Variants in SEC31A observed in about 807,000 individuals in gnomAD.
SEC31A encodes the protein protein transport protein Sec31A.
A neutral mutation model predicts 151.0 loss-of-function variants in SEC31A; 70 were observed. The ratio of observed to expected loss-of-function variants is 0.46; its 90% CI spans 0.38 to 0.57. The LOEUF (loss-of-function observed/expected upper bound fraction) is 0.57. Ranked by LOEUF, SEC31A falls within the 20% of genes least tolerant of loss-of-function variation. The pLI is 0.00. For synonymous variants in SEC31A, 475 were observed against 505.9 expected, an observed-to-expected ratio of 0.94 and a Z score of 0.82; for missense variants, 1,330 against 1,471.2, an observed-to-expected ratio of 0.90 and a Z score of 1.57.
chr4:82,827,226 G>C (rs1724810004), intron 24 of SEC31A, 143 bp downstream of exon 24: 3 of 886,556 alleles, frequency 3.4e-6, no homozygotes, highest in Non-Finnish European at 5.2e-6. Flanking sequence ...ATACATGATC[G>C]ATCTTAAAAA....
At chr4:82,859,004 A>C (rs1733461888) in intron 14 of SEC31A, among the ~76,000 whole-genome samples, 1 of 152,066 alleles carries the variant, frequency 6.6e-6, no homozygotes, top group Non-Finnish European at 1.5e-5. Flanking sequence ...CCAGGCCGGA[A>C]AATATATTTT....
Position 82,864,547 on chromosome 4 carries a change from C to T in SEC31A, c.1249G>A (p.Gly417Arg). Reference sequence around the variant, plus strand: ...TGCTGCTGCTGCTGCTGCTCAGCTCCCTGATGAGAAGGCATTCTGACATTC... The same window carrying T: ...TGCTGCTGCTGCTGCTGCTCAGCTCTCTGATGAGAAGGCATTCTGACATTC... ...FENVRMPSHQ[G>R]AEQQQQQHHV... Residue 417 changes from glycine (G) to arginine (R), a missense_variant, in exon 11 of 27, where the codon GGA becomes AGA. By Grantham distance (125) the Gly-to-Arg change is moderately radical. Transcript: ENST00000395310. 2 of 1,614,016 alleles carry T rather than the reference C, an allele frequency of 1.2e-6. No individual in the cohort carries two copies. The highest frequency in any genetic ancestry group is 2.2e-5 in the South Asian group (2 of 91,084).
chr4:82,867,835 G>A (rs1028717497), intron 8 of SEC31A, among the ~76,000 whole-genome samples: 4 of 152,158 alleles, frequency 2.6e-5, no homozygotes, highest in African/African-American at 9.7e-5. Context: ...GTTTCACCAC[G>A]TTGGCCAGGC....
Position 82,897,594 on chromosome 4 carries a change from C to G in SEC31A, c.-2+2119G>C, listed in dbSNP as rs145073392. ...TACCAAATATACAAAAAAAAATTAGCCAGGTGTAGTGGTACATGCATGTGG... is the reference window on the plus strand; with the variant it reads ...TACCAAATATACAAAAAAAAATTAGGCAGGTGTAGTGGTACATGCATGTGG... On this transcript the variant is annotated intron_variant, in intron 3 of 28. Transcript: ENST00000355196. Among the ~76,000 whole-genome samples, 4 of 152,086 alleles carry G rather than the reference C, an allele frequency of 2.6e-5. No homozygotes were observed. The East Asian group carries it at 7.7e-4, about 29-fold the overall frequency.
At position 82,841,018 on chromosome 4, in the gene SEC31A, T is replaced by C. The variant is rs183200997; in HGVS notation, c.2968+1122A>G. On this transcript the variant is annotated intron_variant, in intron 22 of 26. Transcript: ENST00000395310. Reference sequence around the variant, plus strand: ...TTTATTAACCTTAGCTTGCTGTAACTTTTTTACTTTATAAACTTTTAAATA... The same window carrying C: ...TTTATTAACCTTAGCTTGCTGTAACCTTTTTACTTTATAAACTTTTAAATA... Among the ~76,000 whole-genome samples, 527 of 152,328 alleles carry C rather than the reference T, an allele frequency of 3.5e-3. 1 individual carries two copies. Among genetic ancestry groups the C allele is most frequent in the African/African-American group, 0.012 (500 of 41,568 alleles).
At chr4:82,878,980 G>A in intron 3 of SEC31A, 52 bp from the exon 4 acceptor site, 2 of 1,407,552 alleles carry the variant, frequency 1.4e-6, no homozygotes, top group Admixed American at 2.0e-5. Context: ...AATAAATGTA[G>A]ACAAAAAATT....
At chr4:82,856,141 G>C (rs1222267818) in intron 16 of SEC31A, among the ~76,000 whole-genome samples, 3 of 151,924 alleles carry the variant, frequency 2.0e-5, no homozygotes, top group African/African-American at 7.2e-5. Flanking sequence ...AAATATTATA[G>C]AGCAATTAAA....
At chr4:82,832,818 T>C (rs561528209) in intron 22 of SEC31A, among the ~76,000 whole-genome samples, 1 of 152,364 alleles carries the variant, frequency 6.6e-6, no homozygotes, top group East Asian at 1.9e-4. Flanking sequence ...TCATCATCAC[T>C]GGTCATTGGA....
chr4:82,836,544 A>T (rs184748091), intron 22 of SEC31A, among the ~76,000 whole-genome samples: 232 of 152,300 alleles, frequency 1.5e-3, no homozygotes, highest in African/African-American at 5.3e-3. Context: ...CAGCCTTAAA[A>T]AAAATTCTGA....
intron 1 of SEC31A, among the ~76,000 whole-genome samples, chr4:82,883,655 C>A (rs1294722178): frequency 1.3e-5 from 2 of 151,972 alleles, no homozygotes; most frequent in East Asian, 1.9e-4. Flanking sequence ...ATGGTGAAAT[C>A]CCATCTCTAG....
In SEC31A at chr4:82,856,818, C is replaced by T. The variant is rs928439787; in HGVS notation, c.1881+134G>A. On this transcript the variant is annotated intron_variant, in intron 16 of 26. Coordinates refer to ENST00000395310, the MANE Select transcript of SEC31A (RefSeq NM_001077207.4). ...CATGCCAAAATGCCAACAACTATTT[C>T]CAGGTCAAGGAATTATGAATGAGCT... 4 of 728,574 alleles carry T rather than the reference C, an allele frequency of 5.5e-6. No homozygotes were observed. In the African/African-American group the frequency reaches 5.5e-5, roughly 10 times the overall value. The allele number at this position is 728,574 out of a possible 1,614,324, so 45.1% of individuals were successfully genotyped here.
intron 8 of SEC31A, among the ~76,000 whole-genome samples, chr4:82,869,022 G>A (rs751593284): frequency 2.0e-5 from 3 of 152,114 alleles, no homozygotes; most frequent in Admixed American, 6.5e-5. Flanking sequence ...GCCTGCTCAC[G>A]TCTTTGGTAT....
In SEC31A at chr4:82,863,379, T is replaced by A; in HGVS notation, c.1448A>T (p.Asp483Val). The A allele has an allele frequency of 1.3e-6, 2 of 1,572,082 alleles. No individual in the cohort carries two copies. Among genetic ancestry groups the A allele is most frequent in the Admixed American group, 2.1e-5 (1 of 48,732 alleles). The change falls in exon 12 of 27, where the codon GAT becomes GTT. Residue 483 changes from aspartate (D) to valine (V), a missense_variant. Asp to Val is a radical substitution (Grantham distance 152). Coordinates refer to ENST00000395310, the MANE Select transcript of SEC31A (RefSeq NM_001077207.4). The stretch of plus-strand genomic sequence containing the variant: ...TTCAAGGTATTTTCCACGAGAATCA[T>A]CCTCAAAGTTTACCTTTAAAAAAAA... ...VWSFLKVNFE[D>V]DSRGKYLELL...
At chr4:82,826,994 C>A (rs1219012453) in intron 24 of SEC31A, among the ~76,000 whole-genome samples, 3 of 152,160 alleles carry the variant, frequency 2.0e-5, no homozygotes, top group Non-Finnish European at 4.4e-5. Flanking sequence ...AGCTTTTATA[C>A]ATACACATAA....
At position 82,875,778 on chromosome 4, in the gene SEC31A, T is replaced by C. The variant is rs937759998; in HGVS notation, c.447A>G (p.Ile149Met). 6.2e-7 allele frequency: 1 copy of C among 1,608,852 alleles called. No homozygotes were observed. Among genetic ancestry groups the C allele is most frequent in the Non-Finnish European group, 8.5e-7 (1 of 1,177,278 alleles). Residue 149 changes from isoleucine to methionine, a missense_variant, in exon 5 of 27, where the codon ATA (isoleucine) becomes ATG (methionine). Coordinates refer to ENST00000395310, the MANE Select transcript of SEC31A (RefSeq NM_001077207.4). ...ASGANESEIY[I>M]WDLNNFATPM... is the part of the protein sequence containing the mutation. ...GGGTTGCAAAATTATTTAGATCCCA[T>C]ATGTAGATTTCAGATTCATTAGCAC...
chr4:82,874,833 T>C, intron 5 of SEC31A, 82 bp from the exon 6 acceptor site: 1 of 1,504,920 alleles, frequency 6.6e-7, no homozygotes, highest in Middle Eastern at 1.7e-4. Context: ...TCCTTCATTT[T>C]GAAAAGTGTA....
At chr4:82,880,212 C>A (rs1399729971) in intron 3 of SEC31A, among the ~76,000 whole-genome samples, 2 of 151,000 alleles carry the variant, frequency 1.3e-5, no homozygotes, top group Admixed American at 6.6e-5. Context: ...AAAAAAACCA[C>A]ACACACACCA....
chr4:82,889,792 C>T (rs1205462539), intron 1 of SEC31A, among the ~76,000 whole-genome samples: 1 of 152,066 alleles, frequency 6.6e-6, no homozygotes, highest in Non-Finnish European at 1.5e-5. Context: ...TCACAAATAA[C>T]CGCGGACGTA....
At chr4:82,875,048 T>G (rs1477726058) in intron 5 of SEC31A, among the ~76,000 whole-genome samples, 1 of 152,230 alleles carries the variant, frequency 6.6e-6, no homozygotes, top group Non-Finnish European at 1.5e-5. Context: ...TTGCAACTGC[T>G]GCAAGGTAGA....
Sources: allele counts gnomAD v4.1 joint callset (sites outside exome capture counted in the v4.1 genomes callset), GRCh38; gene constraint gnomAD v4.1.1; transcripts MANE v1.5; gene names NCBI Gene and HGNC (gene_info 2026-07-23, HGNC 2026-07-21).